The following KIAA0825 variants were observed in gnomAD, a reference collection of about 807,000 sequenced individuals.
KIAA0825 encodes uncharacterized protein KIAA0825.
Under a neutral mutation model 147.6 loss-of-function variants are expected in KIAA0825, and 119 were observed. The observed-to-expected ratio is 0.81, with a 90% CI of 0.69 to 0.94. KIAA0825 has a LOEUF of 0.94. KIAA0825 is among the 40% of genes least tolerant of loss of function. The pLI, the probability that KIAA0825 is intolerant of heterozygous loss-of-function variation, is 0.00. For synonymous variants in KIAA0825, 470 were observed against 518.1 expected, an observed-to-expected ratio of 0.91 and a Z score of 1.26; for missense variants, 1,381 against 1,472.7, an observed-to-expected ratio of 0.94 and a Z score of 1.02.
intron 20 of KIAA0825, among the ~76,000 whole-genome samples, chr5:94,209,448 G>C (rs1327625335): frequency 6.6e-6 from 1 of 152,132 alleles, no homozygotes; most frequent in African/African-American, 2.4e-5. Context: ...ACATCAGTAG[G>C]TCCGGTAGAA....
At chr5:94,491,619 C>T (rs1009908776) in intron 5 of KIAA0825, among the ~76,000 whole-genome samples, 3 of 152,158 alleles carry the variant, frequency 2.0e-5, no homozygotes, top group African/African-American at 4.8e-5. Flanking sequence ...TTGTCATGAA[C>T]GCTAAGATGA....
At chr5:94,308,888 G>C (rs1778920227) in intron 20 of KIAA0825, among the ~76,000 whole-genome samples, 1 of 151,706 alleles carries the variant, frequency 6.6e-6, no homozygotes, top group Non-Finnish European at 1.5e-5. Context: ...CATTGAAATT[G>C]GATTTAAAGG....
In KIAA0825 at chr5:94,336,251, T is replaced by G. The variant is rs532309447; in HGVS notation, c.3710+48117A>C. ...CACCCAATGATAGTACAATACACAT[T>G]CTTTTCTTTCTTTTTTTTTTTTTTA... is the stretch of plus-strand genomic sequence containing the variant. On this transcript the variant is annotated intron_variant, in intron 20 of 20. Transcript: ENST00000682413. Among the ~76,000 whole-genome samples the G allele has an allele frequency of 2.3e-3, 338 of 148,340 alleles. 1 individual carries two copies. Among genetic ancestry groups the G allele is most frequent in the African/African-American group, 8.1e-3 (321 of 39,874 alleles).
At chr5:94,546,632 C>A (rs1049843587) in intron 2 of KIAA0825, among the ~76,000 whole-genome samples, 3 of 151,564 alleles carry the variant, frequency 2.0e-5, no homozygotes, top group African/African-American at 7.3e-5. Flanking sequence ...CAAAGATTAC[C>A]AAGGTGGTAC....
intron 20 of KIAA0825, among the ~76,000 whole-genome samples, chr5:94,250,532 C>G (rs755614144): frequency 1.3e-5 from 2 of 152,032 alleles, no homozygotes; most frequent in Non-Finnish European, 2.9e-5. Flanking sequence ...TACTTTGACA[C>G]CCTGGCAGAA....
intron 17 of KIAA0825, among the ~76,000 whole-genome samples, chr5:94,393,315 C>T (rs980399357): frequency 6.6e-6 from 1 of 152,164 alleles, no homozygotes; most frequent in Non-Finnish European, 1.5e-5. Flanking sequence ...ATCTTCAACT[C>T]GACAAATTAC....
At chr5:94,163,332 G>A (rs1767743786) in intron 20 of KIAA0825, among the ~76,000 whole-genome samples, 1 of 152,158 alleles carries the variant, frequency 6.6e-6, no homozygotes. Flanking sequence ...TTCTGGTGAT[G>A]TGACACCAAA....
intron 20 of KIAA0825, among the ~76,000 whole-genome samples, chr5:94,344,405 C>A (rs923297587): frequency 5.9e-5 from 9 of 152,016 alleles, no homozygotes; most frequent in Non-Finnish European, 1.2e-4. Context: ...AATGAAAACA[C>A]AAAAATAACA....
At chr5:94,274,870 G>A (rs1388569938) in intron 20 of KIAA0825, among the ~76,000 whole-genome samples, 1 of 152,150 alleles carries the variant, frequency 6.6e-6, no homozygotes, top group Non-Finnish European at 1.5e-5. Flanking sequence ...AGCAGTATTG[G>A]TTCTGACTAG....
intron 20 of KIAA0825, among the ~76,000 whole-genome samples, chr5:94,197,026 T>A (rs1771196032): frequency 6.6e-6 from 1 of 152,230 alleles, no homozygotes; most frequent in South Asian, 2.1e-4. Flanking sequence ...TGTTTTATAT[T>A]CATTGAGAAA....
At chr5:94,367,592 C>T (rs981137574) in intron 20 of KIAA0825, among the ~76,000 whole-genome samples, 1 of 151,960 alleles carries the variant, frequency 6.6e-6, no homozygotes, top group African/African-American at 2.4e-5. Flanking sequence ...GATTTTTTGC[C>T]ACAGTGGAGG....
intron 20 of KIAA0825, among the ~76,000 whole-genome samples, chr5:94,346,055 G>C (rs1782951763): frequency 6.6e-6 from 1 of 152,154 alleles, no homozygotes; most frequent in Non-Finnish European, 1.5e-5. Context: ...TTAAATACCA[G>C]GCCCAGGGTG....
intron 20 of KIAA0825, among the ~76,000 whole-genome samples, chr5:94,322,260 G>A (rs566764210): frequency 6.6e-6 from 1 of 151,862 alleles, no homozygotes; most frequent in Non-Finnish European, 1.5e-5. Flanking sequence ...ATACTTTTTA[G>A]CAGCTTAAAT....
chr5:94,182,855 C>G (rs1201561976), intron 20 of KIAA0825, among the ~76,000 whole-genome samples: 4 of 152,066 alleles, frequency 2.6e-5, no homozygotes, highest in Non-Finnish European at 4.4e-5. Context: ...TTTGGTGATT[C>G]TGCTCAGCAA....
chr5:94,169,676 A>T (rs978782200), intron 20 of KIAA0825, among the ~76,000 whole-genome samples: 1 of 152,166 alleles, frequency 6.6e-6, no homozygotes, highest in African/African-American at 2.4e-5. Context: ...ATATTCATAA[A>T]GATCCCAAAG....
rs70978110 is a variant in KIAA0825 at position 94,443,359 on chromosome 5, TACAC to T, written c.2358-3242_2358-3239del. 7.3e-3 allele frequency among the ~76,000 whole-genome samples: 1,081 copies of T among 148,664 alleles called. 5 individuals carry two copies. The highest frequency in any genetic ancestry group is 0.023 in the African/African-American group (943 of 40,386). On this transcript the variant is annotated intron_variant, in intron 13 of 20. Coordinates refer to ENST00000682413, the MANE Select transcript of KIAA0825 (RefSeq NM_001145678.3). Reference sequence around the variant, plus strand: ...TTTTATATATATATATGTATATATATACACACACACACACACACACACACGTATG... The same window carrying T: ...TTTTATATATATATATGTATATATATACACACACACACACACACACGTATG...
At chr5:94,479,967 T>C (rs1378282611) in intron 6 of KIAA0825, among the ~76,000 whole-genome samples, 1 of 152,132 alleles carries the variant, frequency 6.6e-6, no homozygotes, top group Non-Finnish European at 1.5e-5. Flanking sequence ...GAGTTCTTTG[T>C]ATATTTTGGA....
intron 20 of KIAA0825, among the ~76,000 whole-genome samples, chr5:94,275,876 G>A (rs1466373197): frequency 6.6e-6 from 1 of 152,090 alleles, no homozygotes; most frequent in Non-Finnish European, 1.5e-5. Flanking sequence ...TTCCCCCACA[G>A]AGCATCCTGA....
chr5:94,444,365 C>T (rs141229322), intron 13 of KIAA0825, among the ~76,000 whole-genome samples: 37 of 152,192 alleles, frequency 2.4e-4, no homozygotes, highest in African/African-American at 8.9e-4. Flanking sequence ...GGTGATTAAC[C>T]CTACTTATCA....
Sources: allele counts gnomAD v4.1 joint callset (sites outside exome capture counted in the v4.1 genomes callset), GRCh38; gene constraint gnomAD v4.1.1; transcripts MANE v1.5; gene names NCBI Gene and HGNC (gene_info 2026-07-23, HGNC 2026-07-21).